DIP2C: variants seen among roughly 807,000 people sequenced by gnomAD.
DIP2C encodes disco-interacting protein 2 homolog C.
A neutral mutation model predicts 192.4 loss-of-function variants in DIP2C; 33 were observed. That is an observed-to-expected ratio of 0.17 (90% CI 0.13 to 0.23). The LOEUF (loss-of-function observed/expected upper bound fraction) is 0.23. DIP2C is among the 10% of genes least tolerant of loss of function. The probability of loss-of-function intolerance (pLI) is 1.00; values close to 1 mark genes in which losing one functional copy is unlikely to be tolerated. For missense variants in DIP2C, 1,537 were observed against 2,110.1 expected (o/e 0.73, Z 5.32); for synonymous variants, 979 against 864.1 (o/e 1.13, Z -2.33).
At chr10:602,819 C>T (rs575854058) in intron 1 of DIP2C, among the ~76,000 whole-genome samples, 12 of 152,136 alleles carry the variant, frequency 7.9e-5, no homozygotes, top group East Asian at 1.9e-4. Flanking sequence ...GATCCTTTTT[C>T]GCAGAAAGAT....
chr10:601,353 T>C lies in DIP2C; in HGVS notation c.85+88141A>G, dbSNP rs1852062495. Among the ~76,000 whole-genome samples the C allele has an allele frequency of 6.0e-5, 3 of 49,780 alleles. No homozygotes were observed. The South Asian group carries it at 4.3e-3, about 72-fold the overall frequency. The allele number at this position is 49,780 out of a possible 152,430, so 32.7% of individuals were successfully genotyped here. On this transcript the variant is annotated intron_variant, in intron 1 of 36. Coordinates refer to ENST00000280886, the MANE Select transcript of DIP2C (RefSeq NM_014974.3). ...CATGCTTCAAAAACCACCATTCCCATTTTAGATGTCCAAATGCATATGTCA... is the reference window on the plus strand; with the variant it reads ...CATGCTTCAAAAACCACCATTCCCACTTTAGATGTCCAAATGCATATGTCA...
At chr10:461,238 TAA>T (rs1317184615) in intron 3 of DIP2C, among the ~76,000 whole-genome samples, 1 of 152,210 alleles carries the variant, frequency 6.6e-6, no homozygotes, top group Non-Finnish European at 1.5e-5. Context: ...ATGCCCCCAT[TAA>T]AAGACACAGA....
At position 665,456 on chromosome 10, in the gene DIP2C, G is replaced by A. The variant is rs1348474704; in HGVS notation, c.85+24038C>T. The A allele has an allele frequency of 2.0e-5, 3 of 152,140 alleles. No individual in the cohort carries two copies. In the East Asian group the frequency reaches 5.8e-4, roughly 29 times the overall value. 9.4% of individuals were successfully genotyped at this position (152,140 alleles called of 1,614,324 possible). On this transcript the variant is annotated intron_variant, in intron 1 of 36. Transcript: ENST00000280886. ...TCCAGTAACGCGATCATCTAGCATG[G>A]AAAATATTTTCAGTAGTTCCAGGAA... is the stretch of plus-strand genomic sequence containing the variant.
At chr10:490,592 C>T (rs767134213) in intron 1 of DIP2C, among the ~76,000 whole-genome samples, 14 of 152,224 alleles carry the variant, frequency 9.2e-5, no homozygotes, top group Non-Finnish European at 1.5e-4. Context: ...GAGCCCCTGC[C>T]AGAGCGCTTT....
chr10:525,471 A>G (rs1846994449), intron 1 of DIP2C, among the ~76,000 whole-genome samples: 1 of 152,240 alleles, frequency 6.6e-6, no homozygotes, highest in Non-Finnish European at 1.5e-5. Context: ...AGCAAAGTCT[A>G]CGGCACTTCT....
At chr10:422,555 G>A (rs543794934) in intron 5 of DIP2C, among the ~76,000 whole-genome samples, 1 of 152,308 alleles carries the variant, frequency 6.6e-6, no homozygotes, top group East Asian at 1.9e-4. Context: ...GTTTCATGTA[G>A]GAGCATAAGT....
intron 16 of DIP2C, among the ~76,000 whole-genome samples, chr10:383,181 T>TAAAC (rs1345601348): frequency 1.3e-5 from 2 of 152,266 alleles, no homozygotes; most frequent in Non-Finnish European, 1.5e-5. Flanking sequence ...TACTTTTCTT[T>TAAAC]ATGCAAGATG....
At chr10:461,179 G>A (rs1969743905) in intron 3 of DIP2C, among the ~76,000 whole-genome samples, 1 of 152,134 alleles carries the variant, frequency 6.6e-6, no homozygotes, top group South Asian at 2.1e-4. Context: ...CATAATGACA[G>A]GATCGAATTC....
intron 1 of DIP2C, among the ~76,000 whole-genome samples, chr10:617,215 C>T (rs1302461290): frequency 6.7e-6 from 1 of 150,000 alleles, no homozygotes; most frequent in Non-Finnish European, 1.5e-5. Context: ...CTGAAATACA[C>T]GACCTCCGCC....
intron 1 of DIP2C, among the ~76,000 whole-genome samples, chr10:622,673 T>C (rs1288716711): frequency 6.6e-6 from 1 of 152,198 alleles, no homozygotes; most frequent in Non-Finnish European, 1.5e-5. Context: ...AAATACCCGA[T>C]ATTGACTTGG....
Position 484,815 on chromosome 10 carries a change from G to A in DIP2C, c.157+1644C>T, listed in dbSNP as rs766358951. 3.3e-5 allele frequency: 53 copies of A among 1,611,216 alleles called. 1 individual carries two copies. In the South Asian group the frequency reaches 3.4e-4, roughly 10 times the overall value. Reference sequence around the variant, plus strand: ...AGTAAAACAGAGGCCGGTTCCCTGCGGTGCTGGCCACCCGCTCCCGAGCCG... The same window carrying A: ...AGTAAAACAGAGGCCGGTTCCCTGCAGTGCTGGCCACCCGCTCCCGAGCCG... On this transcript the variant is annotated intron_variant, in intron 2 of 36. Transcript: ENST00000280886.
Position 651,314 on chromosome 10 carries a change from G to T in DIP2C, c.85+38180C>A. 1.4e-6 allele frequency: 1 copy of T among 707,062 alleles called. No homozygotes were observed. The highest frequency in any genetic ancestry group is 1.5e-5 in the South Asian group (1 of 67,062). The allele number at this position is 707,062 out of a possible 1,614,324, so 43.8% of individuals were successfully genotyped here. A position where few individuals can be genotyped will look rare whatever the true frequency, so the allele number is the denominator to read the frequency against. Reference sequence around the variant, plus strand: ...CCTTACAAGCAGAGCCACCAACGTGGACACGATCCCATCAGGAACCACCTA... The same window carrying T: ...CCTTACAAGCAGAGCCACCAACGTGTACACGATCCCATCAGGAACCACCTA... On this transcript the variant is annotated intron_variant, in intron 1 of 36. Coordinates refer to ENST00000280886, the MANE Select transcript of DIP2C (RefSeq NM_014974.3). The surrounding 1 kb of genome is among the most constrained non-coding windows in gnomAD (Gnocchi z 4.1).
chr10:369,470 G>A, intron 18 of DIP2C, 24 bp downstream of exon 18: 11 of 1,519,970 alleles, frequency 7.2e-6, no homozygotes, highest in Non-Finnish European at 9.7e-6. Context: ...TGGTTAATCT[G>A]TGCAGCTCGC....
intron 9 of DIP2C, among the ~76,000 whole-genome samples, chr10:408,611 G>T (rs10904148): frequency 0.57 from 87,293 of 151,938 alleles, 25,140 homozygotes; most frequent in East Asian, 0.71. Context: ...ACCTAATCTT[G>T]GGGGCATCTA....
intron 4 of DIP2C, among the ~76,000 whole-genome samples, chr10:429,145 G>A (rs1185168737): frequency 1.3e-5 from 2 of 151,978 alleles, no homozygotes; most frequent in Admixed American, 1.3e-4. Flanking sequence ...CACCATCACA[G>A]TATCATACAG....
intron 1 of DIP2C, among the ~76,000 whole-genome samples, chr10:493,971 G>A (rs1004099621): frequency 6.6e-6 from 1 of 152,224 alleles, no homozygotes; most frequent in African/African-American, 2.4e-5. Context: ...TGCCCCAGCA[G>A]GGAGAATATC....
intron 31 of DIP2C, among the ~76,000 whole-genome samples, chr10:314,917 C>T (rs1956712960): frequency 6.6e-6 from 1 of 152,206 alleles, no homozygotes. Flanking sequence ...ACATTCTGAC[C>T]TCAGCAATCA....
At chr10:354,311 G>T (rs954558264) in intron 24 of DIP2C, among the ~76,000 whole-genome samples, 3 of 152,152 alleles carry the variant, frequency 2.0e-5, no homozygotes, top group African/African-American at 7.2e-5. Flanking sequence ...TTTCCCTGAA[G>T]ATCCAGCATC....
chr10:304,900 C>T (rs931851295), intron 32 of DIP2C, among the ~76,000 whole-genome samples: 7 of 152,064 alleles, frequency 4.6e-5, no homozygotes, highest in African/African-American at 1.7e-4. Flanking sequence ...CTCATACTTG[C>T]ATGTACTCGT....
Sources: allele counts gnomAD v4.1 joint callset (sites outside exome capture counted in the v4.1 genomes callset), GRCh38; gene constraint gnomAD v4.1.1; non-coding constraint Gnocchi (gnomAD v3.1); transcripts MANE v1.5; gene names NCBI Gene and HGNC (gene_info 2026-07-23, HGNC 2026-07-21).